The following DIAPH2 variants were observed in gnomAD, a reference collection of about 807,000 sequenced individuals.
DIAPH2 encodes diaphanous related formin 2, also known as protein diaphanous homolog 2.
In DIAPH2, 35 loss-of-function variants were observed where a neutral mutation model predicts 92.7. That is an observed-to-expected ratio of 0.38 (90% CI 0.29 to 0.50). The LOEUF (loss-of-function observed/expected upper bound fraction) is 0.50, where lower values mean the gene tolerates loss of function less well. Ranked by LOEUF, DIAPH2 falls within the 20% of genes least tolerant of loss-of-function variation. The pLI, the probability that DIAPH2 is intolerant of heterozygous loss-of-function variation, is 0.94. For synonymous variants in DIAPH2, 301 were observed against 280.4 expected (o/e 1.07, Z -0.73); for missense variants, 701 against 819.5 (o/e 0.86, Z 1.77).
chrX:97,100,500 C>CA (rs1238103475), intron 20 of DIAPH2, among the ~76,000 whole-genome samples: 6 of 110,866 alleles, frequency 5.4e-5, no homozygotes, highest in Non-Finnish European at 9.5e-5. Flanking sequence ...TGACAAAAAA[C>CA]AAAAACAAAA....
At chrX:97,177,207 G>C (rs7065329) in intron 22 of DIAPH2, among the ~76,000 whole-genome samples, 47,755 of 109,954 alleles carry the variant, frequency 0.43, 8,112 homozygotes, top group Non-Finnish European at 0.55. Context: ...ACCCAGCTGA[G>C]TGTGACCTTG....
chrX:97,545,522 G>GAAA (rs533114886), intron 26 of DIAPH2, among the ~76,000 whole-genome samples: 64 of 67,000 alleles, frequency 9.6e-4, no homozygotes, highest in African/African-American at 2.7e-3. Flanking sequence ...TAAGTTTGAT[G>GAAA]AAAAAAAAAA....
At chrX:97,572,225 C>T (rs536686571) in intron 26 of DIAPH2, among the ~76,000 whole-genome samples, 1 of 110,795 alleles carries the variant, frequency 9.0e-6, no homozygotes, top group South Asian at 3.9e-4. Flanking sequence ...ATTTTGATGT[C>T]AGTTTCATTC....
intron 26 of DIAPH2, among the ~76,000 whole-genome samples, chrX:97,559,704 CAAAGT>C (rs892289901): frequency 3.6e-4 from 40 of 111,692 alleles, no homozygotes; most frequent in African/African-American, 1.3e-3. Context: ...TGATCAAAAA[CAAAGT>C]AAAGATTTAA....
At chrX:97,173,989 C>T (rs1473624843) in intron 22 of DIAPH2, among the ~76,000 whole-genome samples, 1 of 105,490 alleles carries the variant, frequency 9.5e-6, no homozygotes, top group Non-Finnish European at 1.9e-5. Context: ...AGTAGAGTAA[C>T]AGTTGCATTT....
At chrX:96,724,068 C>T (rs901899581) in intron 1 of DIAPH2, among the ~76,000 whole-genome samples, 3 of 108,238 alleles carry the variant, frequency 2.8e-5, no homozygotes, top group Admixed American at 9.9e-5. Context: ...GGATTACAGG[C>T]GCCCACCACC....
intron 26 of DIAPH2, among the ~76,000 whole-genome samples, chrX:97,547,022 C>T (rs1398601614): frequency 8.9e-6 from 1 of 111,914 alleles, no homozygotes; most frequent in African/African-American, 3.2e-5. Flanking sequence ...GAAGTTGTAA[C>T]ACATGCAACT....
At chrX:96,798,249 G>T (rs1296892284) in intron 4 of DIAPH2, among the ~76,000 whole-genome samples, 2 of 111,867 alleles carry the variant, frequency 1.8e-5, no homozygotes, top group Non-Finnish European at 3.8e-5. Context: ...TTCTGTAGTA[G>T]ATCACTTTAT....
At chrX:96,700,594 A>G (rs1398573284) in intron 1 of DIAPH2, among the ~76,000 whole-genome samples, 2 of 112,623 alleles carry the variant, frequency 1.8e-5, no homozygotes, top group Non-Finnish European at 3.7e-5. Flanking sequence ...TAAAAACTGC[A>G]TAACACCTCA....
rs1172095856 is a variant in DIAPH2 at position 97,348,256 on chromosome X, C to T, written c.2985C>T (p.Leu995=). Residue 995 remains leucine (L), a synonymous_variant, in exon 24 of 27, where the codon CTC becomes CTT. Coordinates refer to ENST00000324765, the MANE Select transcript of DIAPH2 (RefSeq NM_006729.5). ...GCATAGAAGAGTTCTTTGGTGATCT[C>T]AACAACTTCCGAACTTTGTTTTTGG... ...TVSIEEFFGD[L]NNFRTLFLEA... 2 of 1,205,044 alleles carry T rather than the reference C, an allele frequency of 1.7e-6. No individual in the cohort carries two copies. The highest frequency in any genetic ancestry group is 3.0e-5 in the East Asian group (1 of 33,673).
intron 22 of DIAPH2, among the ~76,000 whole-genome samples, chrX:97,198,418 T>C (rs1414773315): frequency 1.8e-5 from 2 of 110,619 alleles, no homozygotes; most frequent in Non-Finnish European, 3.8e-5. Flanking sequence ...TTACACGTGG[T>C]CACAGAAGTT....
intron 26 of DIAPH2, among the ~76,000 whole-genome samples, chrX:97,454,508 A>AT (rs914138673): frequency 9.0e-6 from 1 of 111,509 alleles, no homozygotes; most frequent in Non-Finnish European, 1.9e-5. Flanking sequence ...CTTCCTTCAC[A>AT]TTTTTTACAA....
At chrX:97,549,072 A>G (rs1366452745) in intron 26 of DIAPH2, among the ~76,000 whole-genome samples, 1 of 112,493 alleles carries the variant, frequency 8.9e-6, no homozygotes, top group South Asian at 3.7e-4. Context: ...TAATTTTAAA[A>G]CATTTCTAAT....
intron 24 of DIAPH2, among the ~76,000 whole-genome samples, chrX:97,354,399 G>A (rs1393623252): frequency 1.8e-5 from 2 of 111,628 alleles, no homozygotes; most frequent in African/African-American, 6.5e-5. Flanking sequence ...TTGAGATGGA[G>A]TCTTGCTCTG....
chrX:97,323,874 G>C (rs1412983242), intron 23 of DIAPH2, among the ~76,000 whole-genome samples: 1 of 97,439 alleles, frequency 1.0e-5, no homozygotes, highest in East Asian at 3.2e-4. Flanking sequence ...TTGCACCCCA[G>C]CCTGGGCAAC....
At chrX:97,011,211 C>T (rs769685362) in intron 17 of DIAPH2, among the ~76,000 whole-genome samples, 1 of 112,235 alleles carries the variant, frequency 8.9e-6, no homozygotes, top group Admixed American at 9.4e-5. Flanking sequence ...TTACAGTAGT[C>T]ATAACTATTT....
intron 23 of DIAPH2, among the ~76,000 whole-genome samples, chrX:97,303,127 ACTTTTT>A (rs1487013167): frequency 8.9e-6 from 1 of 112,322 alleles, no homozygotes; most frequent in Non-Finnish European, 1.9e-5. Context: ...CATTTCTTTT[ACTTTTT>A]CTTTTCTTTT....
At chrX:96,715,421 A>T (rs1005791361) in intron 1 of DIAPH2, among the ~76,000 whole-genome samples, 1 of 111,902 alleles carries the variant, frequency 8.9e-6, no homozygotes, top group African/African-American at 3.2e-5. Flanking sequence ...TCACCTTATG[A>T]ATATTGACTA....
chrX:96,988,668 T>C (rs1160319331), intron 17 of DIAPH2, among the ~76,000 whole-genome samples: 1 of 111,636 alleles, frequency 9.0e-6, no homozygotes, highest in African/African-American at 3.2e-5. Context: ...ATTAGTTTAG[T>C]GTTGGTACAT....
Sources: gnomAD v4.1 joint callset for allele counts (sites outside exome capture counted in the v4.1 genomes callset) on GRCh38, gnomAD v4.1.1 for gene constraint, MANE v1.5 for transcripts, NCBI Gene and HGNC (gene_info 2026-07-23, HGNC 2026-07-21) for gene names.